Variants in AOPEP observed in about 807,000 individuals in gnomAD.
AOPEP encodes aminopeptidase O (putative).
In AOPEP, 77 loss-of-function variants were observed where a neutral mutation model predicts 98.1. The observed-to-expected ratio is 0.78, with a 90% CI of 0.65 to 0.95. AOPEP has a LOEUF of 0.95. AOPEP is among the 40% of genes least tolerant of loss of function. The probability of loss-of-function intolerance (pLI) is 0.00; values close to 1 mark genes in which losing one functional copy is unlikely to be tolerated. For missense variants in AOPEP, 1,024 were observed against 1,024.7 expected, an observed-to-expected ratio of 1.00 and a Z score of 0.01; for synonymous variants, 346 against 365.3, an observed-to-expected ratio of 0.95 and a Z score of 0.60.
intron 13 of AOPEP, among the ~76,000 whole-genome samples, chr9:95,043,261 C>CAT (rs530651522): frequency 4.3e-3 from 643 of 147,858 alleles, no homozygotes; most frequent in South Asian, 0.011. Context: ...TATATATATA[C>CAT]ATATATATCT....
intron 5 of AOPEP, among the ~76,000 whole-genome samples, chr9:94,823,890 C>T (rs1197058365): frequency 6.6e-6 from 1 of 152,148 alleles, no homozygotes; most frequent in East Asian, 1.9e-4. Context: ...AGTGAAAACA[C>T]CATCTATGAA....
chr9:94,956,789 C>A (rs1273372718), intron 9 of AOPEP, among the ~76,000 whole-genome samples: 1 of 152,130 alleles, frequency 6.6e-6, no homozygotes, highest in Non-Finnish European at 1.5e-5. Flanking sequence ...GACTAATGGA[C>A]CTTTTTCATA....
chr9:94,999,075 A>G (rs779257926), intron 11 of AOPEP, among the ~76,000 whole-genome samples: 1 of 152,136 alleles, frequency 6.6e-6, no homozygotes, highest in Non-Finnish European at 1.5e-5. Flanking sequence ...ATGGAGATAA[A>G]TCTTAGAACC....
intron 2 of AOPEP, among the ~76,000 whole-genome samples, chr9:94,761,462 C>T (rs558353805): frequency 8.9e-4 from 135 of 152,218 alleles, no homozygotes; most frequent in Non-Finnish European, 1.7e-3. Flanking sequence ...TATTGCAGAG[C>T]TTGGATGGAG....
At position 95,080,751 on chromosome 9, in the gene AOPEP, A is replaced by G. The variant is rs1278631278; in HGVS notation, c.2290A>G (p.Ser764Gly). The G allele has an allele frequency of 3.7e-6, 6 of 1,614,130 alleles. No homozygotes were observed. The East Asian group carries it at 1.3e-4, about 36-fold the overall frequency. Residue 764 changes from serine (S) to glycine (G), a missense_variant, in exon 15 of 17, where the codon AGT becomes GGT. Ser to Gly is a moderately conservative substitution (Grantham distance 56). This residue lies in a region of AOPEP where 566 missense variants were observed against 551.7 expected (regional missense o/e 1.03). Transcript: ENST00000375315. The stretch of plus-strand genomic sequence containing the variant: ...GCACAAGTTCACGAAAGCCTACAAA[A>G]GTGTGGAGAGGTTCCTTCAGGAGGA... ...VKHKFTKAYK[S>G]VERFLQEDQA...
At chr9:94,946,336 A>G (rs959778176) in intron 7 of AOPEP, among the ~76,000 whole-genome samples, 1 of 152,210 alleles carries the variant, frequency 6.6e-6, no homozygotes, top group South Asian at 2.1e-4. Context: ...TAGATATTAG[A>G]GTCAGAAAGG....
chr9:95,034,523 G>A (rs938590503), intron 13 of AOPEP, among the ~76,000 whole-genome samples: 1 of 152,238 alleles, frequency 6.6e-6, no homozygotes, highest in African/African-American at 2.4e-5. Flanking sequence ...TGACATGAGG[G>A]CTGAGGTTGA....
At chr9:94,734,334 G>C (rs1831257156) in intron 1 of AOPEP, among the ~76,000 whole-genome samples, 1 of 152,174 alleles carries the variant, frequency 6.6e-6, no homozygotes, top group African/African-American at 2.4e-5. Context: ...GAGAAGGACA[G>C]AAAGATGGTT....
chr9:94,738,914 G>A (rs1449472147), intron 1 of AOPEP, among the ~76,000 whole-genome samples: 1 of 152,214 alleles, frequency 6.6e-6, no homozygotes, highest in Non-Finnish European at 1.5e-5. Context: ...AAAGTGAACT[G>A]TAACTAAATC....
At chr9:95,123,413 G>A in the AOPEP span, 8 of 454,176 alleles carry the variant, frequency 1.8e-5, no homozygotes, top group Non-Finnish European at 2.6e-5. Context: ...GCCAAGGTGG[G>A]AAGATTGCTT....
the AOPEP span, among the ~76,000 whole-genome samples, chr9:95,113,344 A>G: frequency 6.6e-6 from 1 of 152,226 alleles, no homozygotes; most frequent in East Asian, 1.9e-4. Context: ...AAAGGAACAA[A>G]TAAGATAGTC....
intron 5 of AOPEP, among the ~76,000 whole-genome samples, chr9:94,854,940 G>A (rs2043992049): frequency 6.6e-6 from 1 of 151,994 alleles, no homozygotes; most frequent in African/African-American, 2.4e-5. Flanking sequence ...AACTCAAACT[G>A]TTTGTCATTA....
chr9:95,094,343 A>C, the AOPEP span, among the ~76,000 whole-genome samples: 2 of 152,234 alleles, frequency 1.3e-5, no homozygotes, highest in African/African-American at 4.8e-5. Context: ...CAGAATACAC[A>C]TAAGATTGAC....
chr9:94,991,167 C>T (rs1449435175), intron 11 of AOPEP, among the ~76,000 whole-genome samples: 1 of 152,226 alleles, frequency 6.6e-6, no homozygotes, highest in Non-Finnish European at 1.5e-5. Context: ...CCAGCTCTTG[C>T]AGCCAGAGCA....
intron 5 of AOPEP, among the ~76,000 whole-genome samples, chr9:94,838,635 A>T (rs893928496): frequency 8.5e-5 from 13 of 152,132 alleles, no homozygotes; most frequent in South Asian, 8.3e-4. Flanking sequence ...TTATGCTGGG[A>T]TTTGGTTCAG....
chr9:94,979,757 G>GT (rs1380981210), intron 11 of AOPEP, among the ~76,000 whole-genome samples: 1 of 150,612 alleles, frequency 6.6e-6, no homozygotes, highest in African/African-American at 2.4e-5. Context: ...GCAGGTGGTG[G>GT]GGGGGCAGGT....
chr9:95,086,498 G>C, intron 16 of AOPEP, 184 bp from the exon 17 acceptor site: 2 of 985,418 alleles, frequency 2.0e-6, no homozygotes, highest in Non-Finnish European at 2.4e-6. Context: ...CCACGTGTGA[G>C]CAGGCCAGCG....
chr9:95,114,272 C>G, the AOPEP span: 1 of 355,572 alleles, frequency 2.8e-6, no homozygotes, highest in Non-Finnish European at 5.5e-6. Flanking sequence ...GTGCCCTTTC[C>G]CTTCTGTGCG....
intron 3 of AOPEP, among the ~76,000 whole-genome samples, chr9:94,773,949 G>A (rs1245593646): frequency 6.6e-6 from 1 of 151,966 alleles, no homozygotes; most frequent in Non-Finnish European, 1.5e-5. Context: ...CACTTTTTTT[G>A]TAGACATGAG....
Sources: gnomAD v4.1 joint callset for allele counts (sites outside exome capture counted in the v4.1 genomes callset) on GRCh38, gnomAD v4.1.1 for gene constraint, gnomAD v4.1.1 regional missense constraint, MANE v1.5 for transcripts, NCBI Gene and HGNC (gene_info 2026-07-23, HGNC 2026-07-21) for gene names.